The following MCM10 variants were observed in gnomAD, a reference collection of about 807,000 sequenced individuals.
MCM10 encodes the protein protein MCM10 homolog.
A neutral mutation model predicts 109.9 loss-of-function variants in MCM10; 91 were observed. That is an observed-to-expected ratio of 0.83 (90% confidence interval 0.70 to 0.99). The LOEUF (loss-of-function observed/expected upper bound fraction) is 0.99. Among genes scored for constraint, MCM10 ranks in the 50% least tolerant of loss-of-function variants. MCM10 has a pLI of 0.00. For synonymous variants in MCM10, 380 were observed against 387.2 expected (o/e 0.98, Z 0.22); for missense variants, 1,077 against 1,061.2 (o/e 1.01, Z -0.21).
Position 13,195,207 on chromosome 10 carries a change from C to G in MCM10, c.1912C>G (p.Leu638Val). 6.2e-7 allele frequency: 1 copy of G among 1,613,104 alleles called. No homozygotes were observed. Among genetic ancestry groups the G allele is most frequent in the Non-Finnish European group, 8.5e-7 (1 of 1,179,624 alleles). Reference sequence around the variant, plus strand: ...AGGTGTCTTGGAAGGAGATGATGTTCTCTTTTATGATGAGTCACCACCACC... The same window carrying G: ...AGGTGTCTTGGAAGGAGATGATGTTGTCTTTTATGATGAGTCACCACCACC... ...GRGVLEGDDVLFYDESPPPRP... is the reference protein window; with the variant it reads ...GRGVLEGDDVVFYDESPPPRP... The change falls in exon 14 of 20, where the codon CTC becomes GTC. Residue 638 changes from leucine (L) to valine (V), a missense_variant. Leu to Val is a conservative substitution (Grantham distance 32). Transcript: ENST00000378714.
At chr10:13,196,878 A>G in intron 14 of MCM10, among the ~76,000 whole-genome samples, 1 of 152,096 alleles carries the variant, frequency 6.6e-6, no homozygotes, top group South Asian at 2.1e-4. Context: ...CCATACAACC[A>G]TGACCTTCAA....
At chr10:13,165,370 G>C (rs141495691) in intron 2 of MCM10, among the ~76,000 whole-genome samples, 82 of 152,270 alleles carry the variant, frequency 5.4e-4, no homozygotes, top group African/African-American at 1.8e-3. Context: ...CTCAGATAAG[G>C]GGTTATTCCT....
At chr10:13,204,682 T>C (rs1834547280) in intron 18 of MCM10, among the ~76,000 whole-genome samples, 1 of 152,152 alleles carries the variant, frequency 6.6e-6, no homozygotes, top group Non-Finnish European at 1.5e-5. Context: ...ATGCACATAA[T>C]ATTTTTTTCC....
At chr10:13,164,238 G>A (rs776444959) in intron 2 of MCM10, 29 bp downstream of exon 2, 169 of 1,584,528 alleles carry the variant, frequency 1.1e-4, no homozygotes, top group Non-Finnish European at 1.4e-4. Flanking sequence ...CTGTTACTCT[G>A]TTTCAAGGAA....
chr10:13,186,957 A>G (rs1201911208), intron 9 of MCM10, among the ~76,000 whole-genome samples: 2 of 152,160 alleles, frequency 1.3e-5, no homozygotes, highest in Non-Finnish European at 1.5e-5. Context: ...GCACTATTAT[A>G]CTCCAGCCTG....
Position 13,172,734 on chromosome 10 carries a change from G to T in MCM10, c.561G>T (p.Arg187Ser). 1 of 1,614,116 alleles carries T rather than the reference G, an allele frequency of 6.2e-7. No individual in the cohort carries two copies. The highest frequency in any genetic ancestry group is 8.5e-7 in the Non-Finnish European group (1 of 1,180,032). ...TCCCTGCGCTACCAAGAACCAAGAG[G>T]GTGGCTCGAACACCAAAGGCTTCAC... is the stretch of plus-strand genomic sequence containing the variant. ...LDVPALPRTK[R>S]VARTPKASPP... Residue 187 changes from arginine (R) to serine (S), a missense_variant, in exon 5 of 20, where the codon AGG becomes AGT. Coordinates refer to ENST00000378714, the MANE Select transcript of MCM10 (RefSeq NM_018518.5). The surrounding 1 kb of genome is among the most constrained non-coding windows in gnomAD (Gnocchi z 5.2).
In MCM10 at chr10:13,172,236, T is replaced by G; in HGVS notation, c.350-140T>G. On this transcript the variant is annotated intron_variant, in intron 3 of 19. Coordinates refer to ENST00000378714, the MANE Select transcript of MCM10 (RefSeq NM_018518.5). This position sits in a 1 kb window ranked among gnomAD's most constrained non-coding sequence, Gnocchi z 5.2. ...CTCTTTGAAGTACCAAAGTTAATCA[T>G]GAGCTTTGGGTATGTGATTATATTG... 3 of 658,980 alleles carry G rather than the reference T, an allele frequency of 4.6e-6. No homozygotes were observed. The highest frequency in any genetic ancestry group is 5.5e-6 in the Non-Finnish European group (2 of 365,622). The allele number at this position is 658,980 out of a possible 1,614,324, so 40.8% of individuals were successfully genotyped here. A position where few individuals can be genotyped will look rare whatever the true frequency, so the allele number is the denominator to read the frequency against.
intron 2 of MCM10, among the ~76,000 whole-genome samples, chr10:13,167,773 T>A (rs1457024952): frequency 1.3e-5 from 2 of 152,202 alleles, no homozygotes; most frequent in Non-Finnish European, 2.9e-5. Flanking sequence ...ATTTGTTGCA[T>A]GCCTAATACG....
chr10:13,188,158 A>G (rs1310231281), intron 9 of MCM10, among the ~76,000 whole-genome samples: 2 of 151,886 alleles, frequency 1.3e-5, no homozygotes, highest in Non-Finnish European at 2.9e-5. Context: ...AAAAAAATCC[A>G]TTGTCGCCGT....
At chr10:13,184,432 T>G (rs1834249425) in intron 8 of MCM10, among the ~76,000 whole-genome samples, 1 of 152,190 alleles carries the variant, frequency 6.6e-6, no homozygotes, top group Admixed American at 6.5e-5. Context: ...TACTAGAGTT[T>G]TGGCACTACC....
In MCM10 at chr10:13,164,135, T is replaced by G; in HGVS notation, c.-68T>G. The G allele has an allele frequency of 7.1e-7, 1 of 1,407,102 alleles. No individual in the cohort carries two copies. The highest frequency in any genetic ancestry group is 9.7e-7 in the Non-Finnish European group (1 of 1,034,476). 87.2% of individuals were successfully genotyped at this position (1,407,102 alleles called of 1,614,324 possible). On this transcript the variant is annotated 5_prime_UTR_variant, in exon 2 of 20. In the 5' UTR this introduces an upstream ATG that the reference lacks. Coordinates refer to ENST00000378714, the MANE Select transcript of MCM10 (RefSeq NM_018518.5). The stretch of plus-strand genomic sequence containing the variant: ...AATATTGCTTTCACACAGCCAAGAT[T>G]CTACATTGCTCATCTGGGCATCTGA...
intron 6 of MCM10, among the ~76,000 whole-genome samples, chr10:13,179,849 A>ATTGCC (rs1413511568): frequency 6.6e-6 from 1 of 152,236 alleles, no homozygotes; most frequent in East Asian, 1.9e-4. Context: ...GATTGTTTGC[A>ATTGCC]GAAGAATATT....
chr10:13,186,205 G>T lies in MCM10; in HGVS notation c.1140G>T (p.Met380Ile). Residue 380 changes from methionine to isoleucine, a missense_variant, in exon 9 of 20, where the codon ATG (methionine) becomes ATT (isoleucine). Met to Ile is a conservative substitution (Grantham distance 10). Transcript: ENST00000378714. ...ATCATCCTCAGAAGGTCTTAATTAT[G>T]GGTGAAGCTCTTGACCTGGGAACCT... is the stretch of plus-strand genomic sequence containing the variant. Reference protein sequence around the residue: ...SIDHPQKVLIMGEALDLGTCK... With the variant: ...SIDHPQKVLIIGEALDLGTCK... The T allele has an allele frequency of 6.2e-7, 1 of 1,613,102 alleles. No homozygotes were observed. Among genetic ancestry groups the T allele is most frequent in the South Asian group, 1.1e-5 (1 of 91,024 alleles).
rs367637024 is a variant in MCM10, at chr10:13,180,609, T to A, written c.930+2T>A. On this transcript the variant is annotated splice_donor_variant, in intron 7 of 19. Transcript: ENST00000378714. LOFTEE classifies it high-confidence loss of function. ...GTTACGCCACAGAGTGTGAATAGTG[T>A]AAGCCATTGTATTGGTTTCTTAGCT... The A allele has an allele frequency of 1.2e-5, 19 of 1,613,826 alleles. No individual in the cohort carries two copies. The highest frequency in any genetic ancestry group is 1.6e-5 in the Non-Finnish European group (19 of 1,179,978).
In MCM10 at chr10:13,188,896, T is replaced by C. The variant is rs377339151; in HGVS notation, c.1231T>C (p.Cys411Arg). ...QTVNLRDCEY[C>R]QYHVQAQYKK... is the part of the protein sequence containing the mutation. ...CCTTTTGCAGCGTGACTGTGAGTAC[T>C]GTCAGTACCATGTCCAGGCTCAGTA... is the stretch of plus-strand genomic sequence containing the variant. Residue 411 changes from cysteine (C) to arginine (R), a missense_variant, in exon 10 of 20, where the codon TGT (cysteine) becomes CGT (arginine). Cys to Arg is a radical substitution (Grantham distance 180, BLOSUM62 -3). Coordinates refer to ENST00000378714, the MANE Select transcript of MCM10 (RefSeq NM_018518.5). The C allele has an allele frequency of 2.9e-5, 47 of 1,614,038 alleles. No homozygotes were observed. The highest frequency in any genetic ancestry group is 1.7e-5 in the Admixed American group (1 of 60,004).
In MCM10 at chr10:13,175,088, A is replaced by G. The variant is rs572567365; in HGVS notation, c.593-422A>G. 9.2e-5 allele frequency among the ~76,000 whole-genome samples: 14 copies of G among 151,920 alleles called. No homozygotes were observed. The South Asian group carries it at 2.9e-3, about 32-fold the overall frequency. On this transcript the variant is annotated intron_variant, in intron 5 of 19. Coordinates refer to ENST00000378714, the MANE Select transcript of MCM10 (RefSeq NM_018518.5). ...GGTTGTGGTGAGCTGAGATCGCACCACTGCACTCTGGGCAACAAGAGTGAA... is the reference window on the plus strand; with the variant it reads ...GGTTGTGGTGAGCTGAGATCGCACCGCTGCACTCTGGGCAACAAGAGTGAA...
At chr10:13,167,929 G>A (rs1303814432) in intron 2 of MCM10, among the ~76,000 whole-genome samples, 1 of 152,208 alleles carries the variant, frequency 6.6e-6, no homozygotes, top group Admixed American at 6.5e-5. Flanking sequence ...TCACATCCCA[G>A]GGGTTTGAGA....
chr10:13,208,614 G>A, intron 18 of MCM10, among the ~76,000 whole-genome samples: 1 of 150,836 alleles, frequency 6.6e-6, no homozygotes, highest in East Asian at 1.9e-4. Context: ...AAAGGCTTTT[G>A]GGTTATAAAG....
chr10:13,202,370 A>G (rs188053631), intron 17 of MCM10, among the ~76,000 whole-genome samples: 2 of 152,274 alleles, frequency 1.3e-5, no homozygotes, highest in Admixed American at 1.3e-4. Flanking sequence ...AAGAAAAAAG[A>G]CAAGAAAGAA....
Sources: allele counts gnomAD v4.1 joint callset (sites outside exome capture counted in the v4.1 genomes callset), GRCh38; gene constraint gnomAD v4.1.1; non-coding constraint Gnocchi (gnomAD v3.1); transcripts MANE v1.5; gene names NCBI Gene and HGNC (gene_info 2026-07-23, HGNC 2026-07-21).